The following ATP8A2 variants were observed in gnomAD, a reference collection of about 807,000 sequenced individuals.
ATP8A2 encodes the protein phospholipid-transporting ATPase IB.
In ATP8A2, 100 loss-of-function variants were observed where a neutral mutation model predicts 165.6. The ratio of observed to expected loss-of-function variants is 0.60; its 90% CI spans 0.51 to 0.71. The LOEUF (loss-of-function observed/expected upper bound fraction) is 0.71, where lower values mean the gene tolerates loss of function less well. Ranked by LOEUF, ATP8A2 falls within the 30% of genes least tolerant of loss-of-function variation. The probability of loss-of-function intolerance (pLI) is 0.00; values close to 1 mark genes in which losing one functional copy is unlikely to be tolerated. For synonymous variants in ATP8A2, 543 were observed against 548.8 expected (o/e 0.99, Z 0.15); for missense variants, 1,227 against 1,479.5 (o/e 0.83, Z 2.80).
In ATP8A2 at chr13:25,992,836, C is replaced by A. The variant is rs1328944746; in HGVS notation, c.3378-19695C>A. On this transcript the variant is annotated intron_variant, in intron 35 of 36. Transcript: ENST00000381655. The stretch of plus-strand genomic sequence containing the variant: ...TATATCTCCCAATGCTATCCCTCCC[C>A]CCTTCCCCCACCCCACCACAGTCCC... Among the ~76,000 whole-genome samples, 14 of 151,606 alleles carry A rather than the reference C, an allele frequency of 9.2e-5. No homozygotes were observed. In the East Asian group the frequency reaches 2.3e-3, roughly 25 times the overall value.
chr13:25,671,829 A>G (rs911239328), intron 24 of ATP8A2, among the ~76,000 whole-genome samples: 1 of 152,122 alleles, frequency 6.6e-6, no homozygotes, highest in Admixed American at 6.5e-5. Flanking sequence ...TACCTTGTAA[A>G]GTACTTGATG....
At chr13:25,681,999 G>A (rs2042498266) in intron 24 of ATP8A2, among the ~76,000 whole-genome samples, 2 of 152,148 alleles carry the variant, frequency 1.3e-5, no homozygotes, top group African/African-American at 4.8e-5. Context: ...AGAGAGCACT[G>A]CGGTCCTTGG....
intron 24 of ATP8A2, among the ~76,000 whole-genome samples, chr13:25,670,080 C>T (rs2042233973): frequency 2.0e-5 from 3 of 152,160 alleles, no homozygotes; most frequent in Admixed American, 2.0e-4. Context: ...ATCCAGCTGC[C>T]TTTTTCTTCA....
intron 2 of ATP8A2, among the ~76,000 whole-genome samples, chr13:25,519,754 G>C (rs897341698): frequency 6.6e-6 from 1 of 152,068 alleles, no homozygotes; most frequent in African/African-American, 2.4e-5. Flanking sequence ...CATGCATTTC[G>C]TCACACGAGT....
intron 15 of ATP8A2, among the ~76,000 whole-genome samples, chr13:25,563,341 G>A (rs183279433): frequency 3.3e-5 from 5 of 151,228 alleles, no homozygotes; most frequent in Admixed American, 3.3e-4. Context: ...CATGCCAGGC[G>A]GAGGTTGCAG....
At chr13:25,384,804 T>A (rs564285668) in intron 1 of ATP8A2, among the ~76,000 whole-genome samples, 1 of 152,350 alleles carries the variant, frequency 6.6e-6, no homozygotes, top group African/African-American at 2.4e-5. Flanking sequence ...CTCTTTTTCT[T>A]GGTGTTCATG....
At chr13:25,495,624 CTTTT>C (rs11369713) in intron 2 of ATP8A2, among the ~76,000 whole-genome samples, 6 of 88,240 alleles carry the variant, frequency 6.8e-5, no homozygotes, top group African/African-American at 4.2e-5. Context: ...GCATGCCTTG[CTTTT>C]TTTTTTTTTT....
chr13:25,878,321 A>G (rs1952874951), intron 33 of ATP8A2, among the ~76,000 whole-genome samples: 1 of 152,110 alleles, frequency 6.6e-6, no homozygotes, highest in African/African-American at 2.4e-5. Flanking sequence ...ATCCACACAC[A>G]TTGGCCTCCC....
At chr13:25,860,404 G>T in intron 31 of ATP8A2, 148 bp downstream of exon 31, 1 of 562,264 alleles carries the variant, frequency 1.8e-6, no homozygotes. Context: ...AGTTCAGAAT[G>T]GTTGTGAAAT....
intron 27 of ATP8A2, among the ~76,000 whole-genome samples, chr13:25,794,806 C>T (rs1437003229): frequency 6.8e-6 from 1 of 146,824 alleles, no homozygotes; most frequent in East Asian, 2.0e-4. Context: ...TCTGCCCCAA[C>T]GCATTCCCTC....
At chr13:25,902,884 C>A (rs536596844) in intron 33 of ATP8A2, among the ~76,000 whole-genome samples, 1 of 151,068 alleles carries the variant, frequency 6.6e-6, no homozygotes, top group Non-Finnish European at 1.5e-5. Flanking sequence ...TGTGGTCTTT[C>A]GGTCCCTGAA....
chr13:25,818,952 C>G (rs1951094047), intron 27 of ATP8A2, among the ~76,000 whole-genome samples: 1 of 152,190 alleles, frequency 6.6e-6, no homozygotes. Context: ...AGCAAGTTCT[C>G]TTCTTCTACA....
chr13:25,397,956 T>C (rs1197596204), intron 1 of ATP8A2, among the ~76,000 whole-genome samples: 2 of 152,174 alleles, frequency 1.3e-5, no homozygotes, highest in East Asian at 1.9e-4. Flanking sequence ...ATGCATGGGT[T>C]AAGATAAGGG....
At chr13:25,402,298 C>T (rs1412054104) in intron 1 of ATP8A2, among the ~76,000 whole-genome samples, 1 of 152,100 alleles carries the variant, frequency 6.6e-6, no homozygotes, top group Non-Finnish European at 1.5e-5. Context: ...TGGTTGACTG[C>T]AAGGAACTGA....
chr13:25,784,693 T>C (rs1315776689), intron 27 of ATP8A2, among the ~76,000 whole-genome samples: 1 of 152,184 alleles, frequency 6.6e-6, no homozygotes, highest in African/African-American at 2.4e-5. Flanking sequence ...GCTTTTCTTA[T>C]CCAACTGAAA....
At chr13:25,846,196 A>G (rs1426047139) in intron 30 of ATP8A2, among the ~76,000 whole-genome samples, 1 of 152,194 alleles carries the variant, frequency 6.6e-6, no homozygotes, top group Non-Finnish European at 1.5e-5. Flanking sequence ...AAAAAAAAAG[A>G]TTAAAGAATA....
chr13:25,405,235 G>A (rs2033764016), intron 1 of ATP8A2, among the ~76,000 whole-genome samples: 1 of 152,194 alleles, frequency 6.6e-6, no homozygotes, highest in African/African-American at 2.4e-5. Flanking sequence ...ATGCGAAAGT[G>A]TAGACAGCAC....
intron 1 of ATP8A2, among the ~76,000 whole-genome samples, chr13:25,423,872 G>T (rs1276584226): frequency 6.6e-6 from 1 of 152,198 alleles, no homozygotes; most frequent in African/African-American, 2.4e-5. Context: ...CTACAAGCCA[G>T]TGAACAGCAA....
At position 25,577,088 on chromosome 13, in the gene ATP8A2, G is replaced by A; in HGVS notation, c.1732G>A (p.Val578Ile). 1 of 1,613,662 alleles carries A rather than the reference G, an allele frequency of 6.2e-7. No homozygotes were observed. ...EFSSDRKRMSVIVRTPSGRLR... is the reference protein window; with the variant it reads ...EFSSDRKRMSIIVRTPSGRLR... ...TCCCAGTGACAGAAAAAGAATGTCT[G>A]TAATTGTTCGAACTCCTTCAGGACG... Residue 578 changes from valine to isoleucine, a missense_variant, in exon 20 of 37, where the codon GTA becomes ATA. Physicochemically the swap from Val to Ile is conservative, Grantham distance 29 (BLOSUM62 3). Coordinates refer to ENST00000381655, the MANE Select transcript of ATP8A2 (RefSeq NM_016529.6).
Sources: gnomAD v4.1 joint callset for allele counts (sites outside exome capture counted in the v4.1 genomes callset) on GRCh38, gnomAD v4.1.1 for gene constraint, MANE v1.5 for transcripts, NCBI Gene and HGNC (gene_info 2026-07-23, HGNC 2026-07-21) for gene names.